Variants in TEAD2 observed in about 807,000 individuals in gnomAD.
TEAD2 encodes transcriptional enhancer factor TEF-4.
TEAD2 carries 51 observed loss-of-function variants against 61.4 expected under a neutral mutation model. That is an observed-to-expected ratio of 0.83 (90% confidence interval 0.66 to 1.05). The LOEUF (loss-of-function observed/expected upper bound fraction) is 1.05, where lower values mean the gene tolerates loss of function less well. TEAD2 is among the 50% of genes least tolerant of loss of function. The probability of loss-of-function intolerance (pLI) is 0.00; values close to 1 mark genes in which losing one functional copy is unlikely to be tolerated. For synonymous variants in TEAD2, 244 were observed against 243.2 expected, an observed-to-expected ratio of 1.00 and a Z score of -0.03; for missense variants, 509 against 600.0, an observed-to-expected ratio of 0.85 and a Z score of 1.58.
intron 10 of TEAD2, among the ~76,000 whole-genome samples, chr19:49,345,153 A>C (rs1971551208): frequency 6.6e-6 from 1 of 152,122 alleles, no homozygotes; most frequent in Non-Finnish European, 1.5e-5. Context: ...CTAAGCCCTC[A>C]GCTGCACATC....
In TEAD2 at chr19:49,340,629, A is replaced by C; in HGVS notation, c.*695T>G. The stretch of plus-strand genomic sequence containing the variant: ...AAATAGCTTTATCCTCTGTCAGAAC[A>C]CAAACAAACAAACTTTGAGAGGGGA... On this transcript the variant is annotated 3_prime_UTR_variant, in exon 13 of 13. Coordinates refer to ENST00000593945, the MANE Select transcript of TEAD2 (RefSeq NM_001256660.2). 1.9e-6 allele frequency: 1 copy of C among 536,078 alleles called. No individual in the cohort carries two copies. The highest frequency in any genetic ancestry group is 3.3e-5 in the East Asian group (1 of 29,914). The allele number at this position is 536,078 out of a possible 1,614,324, so 33.2% of individuals were successfully genotyped here.
chr19:49,351,153 T>C (rs1187673650), intron 8 of TEAD2, 148 bp downstream of exon 8: 3 of 731,538 alleles, frequency 4.1e-6, no homozygotes, highest in African/African-American at 3.7e-5. Context: ...CACTCCAGCC[T>C]GGCGACAGAG....
intron 8 of TEAD2, among the ~76,000 whole-genome samples, chr19:49,349,716 C>A (rs1015961683): frequency 4.6e-5 from 7 of 152,134 alleles, no homozygotes. Context: ...AGGCCCTCAC[C>A]AGAAGCATAG....
chr19:49,356,668 G>A (rs1027211716), intron 4 of TEAD2, among the ~76,000 whole-genome samples: 13 of 152,124 alleles, frequency 8.5e-5, no homozygotes, highest in Non-Finnish European at 1.3e-4. Flanking sequence ...ATATGAGACC[G>A]CCAGGAAGAG....
At chr19:49,361,155 C>G (rs1284286820) in intron 1 of TEAD2, among the ~76,000 whole-genome samples, 5 of 45,900 alleles carry the variant, frequency 1.1e-4, no homozygotes, top group African/African-American at 1.9e-4. Context: ...GGACAGAGAC[C>G]GGGGGGGGGG....
In TEAD2 at chr19:49,347,215, T is replaced by G; in HGVS notation, c.896A>C (p.His299Pro). Residue 299 changes from histidine to proline, a missense_variant, in exon 10 of 13, where the codon CAT (histidine) becomes CCT (proline). His to Pro is a moderately conservative substitution (Grantham distance 77). Coordinates refer to ENST00000593945, the MANE Select transcript of TEAD2 (RefSeq NM_001256660.2). The part of the protein sequence containing the change: ...LRELYDRGPP[H>P]AFFLVKFWAD... ...CCAGAACTTGACCAGGAAGAAGGCA[T>G]GGGGGGGGCCACGATCATATAGCTC... The G allele has an allele frequency of 6.2e-7, 1 of 1,612,556 alleles. No individual in the cohort carries two copies. The highest frequency in any genetic ancestry group is 1.1e-5 in the South Asian group (1 of 90,978).
chr19:49,342,352 G>A, intron 12 of TEAD2, 86 bp downstream of exon 12: 1 of 1,524,146 alleles, frequency 6.6e-7, no homozygotes, highest in Admixed American at 1.8e-5. Flanking sequence ...GTTCCTGGGT[G>A]AGGAGATCCC....
At chr19:49,351,228 A>G in intron 8 of TEAD2, 73 bp downstream of exon 8, 1 of 1,386,754 alleles carries the variant, frequency 7.2e-7, no homozygotes, top group Non-Finnish European at 1.0e-6. Flanking sequence ...CAATTGATGG[A>G]AGGTTGAAGG....
chr19:49,344,438 G>A (rs1971505207), intron 10 of TEAD2, among the ~76,000 whole-genome samples: 1 of 151,998 alleles, frequency 6.6e-6, no homozygotes, highest in South Asian at 2.1e-4. Context: ...ACGCCACCAT[G>A]TCTGGCTAAT....
rs1333954013 is a variant in TEAD2 at position 49,341,706 on chromosome 19, A to G, written c.1243-269T>C. Among the ~76,000 whole-genome samples the G allele has an allele frequency of 2.0e-5, 3 of 152,028 alleles. No individual in the cohort carries two copies. The highest frequency in any genetic ancestry group is 4.4e-5 in the Non-Finnish European group (3 of 67,986). ...TCCCATCACATCACATTCCCTGGGT[A>G]AAAGGGGTCCCCATCATGTCACAAG... On this transcript the variant is annotated intron_variant, in intron 12 of 12. Coordinates refer to ENST00000593945, the MANE Select transcript of TEAD2 (RefSeq NM_001256660.2). This position sits in a 1 kb window ranked among gnomAD's most constrained non-coding sequence, Gnocchi z 4.2.
At position 49,360,026 on chromosome 19, in the gene TEAD2, G is replaced by T; in HGVS notation, c.50C>A (p.Thr17Lys). 1.2e-6 allele frequency: 2 copies of T among 1,608,586 alleles called. No individual in the cohort carries two copies. Reference protein sequence around the residue: ...GAALDDGSGWTGSEEGSEEGT... With the variant: ...GAALDDGSGWKGSEEGSEEGT... ...CTCCTCACTGCCTTCCTCACTGCCC[G>T]TCCAGCCGCTGCCATCGTCCAGGGC... The change falls in exon 2 of 13, where the codon ACG becomes AAG. Residue 17 changes from threonine (T) to lysine (K), a missense_variant. Coordinates refer to ENST00000593945, the MANE Select transcript of TEAD2 (RefSeq NM_001256660.2).
intron 5 of TEAD2, 95 bp downstream of exon 5, chr19:49,355,864 G>A: frequency 8.7e-7 from 1 of 1,153,304 alleles, no homozygotes; most frequent in Non-Finnish European, 1.1e-6. Context: ...GGTTGGGGGA[G>A]GGTTGAACCT....
At chr19:49,355,243 C>T (rs375498096) in intron 6 of TEAD2, 37 bp from the exon 7 acceptor site, 105 of 1,613,776 alleles carry the variant, frequency 6.5e-5, no homozygotes, top group Non-Finnish European at 8.1e-5. Flanking sequence ...TGGTCAGTCC[C>T]CTGTGGACAG....
intron 10 of TEAD2, among the ~76,000 whole-genome samples, chr19:49,344,064 C>T (rs1388882025): frequency 6.6e-6 from 1 of 152,040 alleles, no homozygotes; most frequent in African/African-American, 2.4e-5. Context: ...CCAGGCTGGT[C>T]TCCAACTCCT....
At chr19:49,354,227 G>A (rs150525927) in intron 7 of TEAD2, among the ~76,000 whole-genome samples, 145 of 150,326 alleles carry the variant, frequency 9.6e-4, no homozygotes, top group Non-Finnish European at 1.7e-3. Flanking sequence ...CCCCTAGCCC[G>A]CCACGGTGGC....
intron 1 of TEAD2, among the ~76,000 whole-genome samples, chr19:49,360,886 C>A (rs2146688127): frequency 8.9e-6 from 1 of 112,778 alleles, no homozygotes; most frequent in Admixed American, 1.1e-4. Context: ...GATAGAGACC[C>A]AGAGACAGAG....
At chr19:49,350,444 C>A (rs939782674) in intron 8 of TEAD2, among the ~76,000 whole-genome samples, 1 of 152,002 alleles carries the variant, frequency 6.6e-6, no homozygotes, top group African/African-American at 2.4e-5. Context: ...CTCAGCCTCC[C>A]GAGTAGCTGG....
At chr19:49,348,967 T>A in intron 8 of TEAD2, 122 bp from the exon 9 acceptor site, 45 of 1,327,378 alleles carry the variant, frequency 3.4e-5, no homozygotes, top group Non-Finnish European at 4.3e-5. Context: ...TTTCCCAGCC[T>A]CCCTTGCAGT....
intron 8 of TEAD2, among the ~76,000 whole-genome samples, chr19:49,350,525 T>C (rs973267972): frequency 2.0e-5 from 3 of 150,704 alleles, no homozygotes; most frequent in Non-Finnish European, 3.0e-5. Context: ...TTGGGGGGGG[T>C]GGTTTCGCCA....
Sources: allele counts gnomAD v4.1 joint callset (sites outside exome capture counted in the v4.1 genomes callset), GRCh38; gene constraint gnomAD v4.1.1; non-coding constraint Gnocchi (gnomAD v3.1); transcripts MANE v1.5; gene names NCBI Gene and HGNC (gene_info 2026-07-23, HGNC 2026-07-21).